NMNAT1: variants seen among roughly 807,000 people sequenced by gnomAD.
The protein encoded by NMNAT1 is nicotinamide/nicotinic acid mononucleotide adenylyltransferase 1.
In NMNAT1, 11 loss-of-function variants were observed where a neutral mutation model predicts 16.7. The ratio of observed to expected loss-of-function variants is 0.66; its 90% CI spans 0.41 to 1.09. The LOEUF (loss-of-function observed/expected upper bound fraction) is 1.09, where lower values mean the gene tolerates loss of function less well. Among genes scored for constraint, NMNAT1 ranks in the 50% least tolerant of loss-of-function variants. NMNAT1 has a pLI of 0.00. For synonymous variants in NMNAT1, 110 were observed against 119.8 expected (o/e 0.92, Z 0.53); for missense variants, 280 against 332.3 (o/e 0.84, Z 1.22).
intron 1 of NMNAT1, chr1:9,949,782 ATTGACCTTGTT>A (rs2101638783): frequency 6.6e-6 from 1 of 152,180 alleles, no homozygotes; most frequent in African/African-American, 2.4e-5. Flanking sequence ...GAAGCAATAA[ATTGACCTTGTT>A]TAAATACACA....
chr1:9,993,171 A>G, the NMNAT1 span, among the ~76,000 whole-genome samples: 1 of 151,816 alleles, frequency 6.6e-6, no homozygotes, highest in Non-Finnish European at 1.5e-5. Context: ...AGAGAGTGCA[A>G]ATTTCCTTTT....
At chr1:9,986,465 C>G (rs1642046303), downstream of NMNAT1, among the ~76,000 whole-genome samples, 1 of 152,142 alleles carries the variant, frequency 6.6e-6, no homozygotes. Flanking sequence ...GGCTTGGTGG[C>G]TCACATCTGT....
Position 9,982,555 on chromosome 1 carries a change from AG to A in NMNAT1, c.698del (p.Gly233AlafsTer53). 6.2e-7 allele frequency: 1 copy of A among 1,614,208 alleles called. No individual in the cohort carries two copies. Among genetic ancestry groups the A allele is most frequent in the Non-Finnish European group, 8.5e-7 (1 of 1,180,046 alleles). On this transcript the variant is annotated frameshift_variant, in exon 5 of 5. Transcript: ENST00000377205. LOFTEE classifies it low-confidence loss of function (END_TRUNC). The stretch of plus-strand genomic sequence containing the variant: ...CACAAAAATCCGGAGAGCCCTCAGA[AG>A]GGGCCAGAGCATTCGCTACTTGGTA... ...SSTKIRRALR[R>X]GQSIRYLVPD...
chr1:9,964,797 A>G (rs1290712878), intron 1 of NMNAT1, among the ~76,000 whole-genome samples: 1 of 150,740 alleles, frequency 6.6e-6, no homozygotes, highest in Non-Finnish European at 1.5e-5. Flanking sequence ...AAAATACAAA[A>G]AATTGGCCAG....
At chr1:9,982,262 GA>G in intron 4 of NMNAT1, 38 bp from the exon 5 acceptor site, 2 of 1,556,894 alleles carry the variant, frequency 1.3e-6, no homozygotes, top group South Asian at 1.2e-5. Flanking sequence ...TAGAGGGGAA[GA>G]AAAAGCATAC....
At chr1:9,987,640 A>T (rs1557478895), downstream of NMNAT1, among the ~76,000 whole-genome samples, 1 of 151,964 alleles carries the variant, frequency 6.6e-6, no homozygotes, top group African/African-American at 2.4e-5. Context: ...ACTCCGTCTC[A>T]AAATAAATAA....
At chr1:9,968,618 A>G (rs1258855182) in intron 1 of NMNAT1, among the ~76,000 whole-genome samples, 1 of 49,572 alleles carries the variant, frequency 2.0e-5, no homozygotes, top group Non-Finnish European at 6.3e-5. Flanking sequence ...AATACAAAAA[A>G]TAATTAGCCA....
chr1:9,953,534 G>A (rs1438063982), intron 1 of NMNAT1, among the ~76,000 whole-genome samples: 5 of 149,204 alleles, frequency 3.4e-5, no homozygotes, highest in South Asian at 2.1e-4. Context: ...TCTGCCTCCC[G>A]GGTTCAAGTG....
chr1:9,982,726 A>T lies in NMNAT1; in HGVS notation c.*25A>T. 3 of 1,559,106 alleles carry T rather than the reference A, an allele frequency of 1.9e-6. No homozygotes were observed. Among genetic ancestry groups the T allele is most frequent in the Non-Finnish European group, 2.6e-6 (3 of 1,152,992 alleles). On this transcript the variant is annotated 3_prime_UTR_variant, in exon 5 of 5. Coordinates refer to ENST00000377205, the MANE Select transcript of NMNAT1 (RefSeq NM_022787.4). ...GGAATTCTACAGCATGATATTTCAGACTTCCCATTTGGGGATCTGAAACAA... is the reference window on the plus strand; with the variant it reads ...GGAATTCTACAGCATGATATTTCAGTCTTCCCATTTGGGGATCTGAAACAA...
At chr1:9,959,298 G>T (rs1260866244) in intron 1 of NMNAT1, among the ~76,000 whole-genome samples, 2 of 149,742 alleles carry the variant, frequency 1.3e-5, no homozygotes, top group Non-Finnish European at 3.0e-5. Context: ...CTTGAACCCG[G>T]GAGGCAGAGG....
At chr1:9,956,704 T>C (rs1001312345) in intron 1 of NMNAT1, among the ~76,000 whole-genome samples, 12 of 151,280 alleles carry the variant, frequency 7.9e-5, no homozygotes, top group Admixed American at 6.6e-4. Context: ...ATTACAGGCA[T>C]GAGCCACTGA....
chr1:9,963,282 AT>A (rs1180609667), intron 1 of NMNAT1, among the ~76,000 whole-genome samples: 1 of 152,128 alleles, frequency 6.6e-6, no homozygotes, highest in Admixed American at 6.6e-5. Flanking sequence ...CCTAGCAGTT[AT>A]GTCTGACTAC....
rs558993895 is a variant in NMNAT1, at chr1:9,980,951, C to T, written c.300-80C>T. ...GATTACAGGTGTGAGCCACTGTGCC[C>T]AGCTATAAATAATGTTAATGATATA... On this transcript the variant is annotated intron_variant, in intron 3 of 4. Coordinates refer to ENST00000377205, the MANE Select transcript of NMNAT1 (RefSeq NM_022787.4). 13 of 1,463,492 alleles carry T rather than the reference C, an allele frequency of 8.9e-6. No individual in the cohort carries two copies. In the African/African-American group the frequency reaches 1.9e-4, roughly 21 times the overall value. The allele number at this position is 1,463,492 out of a possible 1,614,324, so 90.7% of individuals were successfully genotyped here.
At chr1:9,952,007 G>A (rs986957706) in intron 1 of NMNAT1, among the ~76,000 whole-genome samples, 3 of 152,162 alleles carry the variant, frequency 2.0e-5, no homozygotes, top group South Asian at 2.1e-4. Flanking sequence ...ATTAAGATAA[G>A]CCTTTAGAAA....
At chr1:9,974,090 G>A (rs1383892635) in intron 2 of NMNAT1, among the ~76,000 whole-genome samples, 3 of 152,032 alleles carry the variant, frequency 2.0e-5, no homozygotes, top group South Asian at 2.1e-4. Flanking sequence ...CTCCCACGTC[G>A]GCCTCCCAAA....
rs894971570 is a variant in NMNAT1, at chr1:9,982,845, C to T, written c.*144C>T. On this transcript the variant is annotated 3_prime_UTR_variant, in exon 5 of 5. Coordinates refer to ENST00000377205, the MANE Select transcript of NMNAT1 (RefSeq NM_022787.4). The stretch of plus-strand genomic sequence containing the variant: ...AAAATCGTCTGGGCACAGTGGCTCA[C>T]GCCTGTAATCCCAGCACTTTGGGAG... 203 of 808,584 alleles carry T rather than the reference C, an allele frequency of 2.5e-4. 1 individual carries two copies. The highest frequency in any genetic ancestry group is 5.7e-5 in the East Asian group (2 of 35,268). The allele number at this position is 808,584 out of a possible 1,614,324, so 50.1% of individuals were successfully genotyped here.
At chr1:9,965,186 G>A (rs1479623724) in intron 1 of NMNAT1, among the ~76,000 whole-genome samples, 7 of 149,970 alleles carry the variant, frequency 4.7e-5, no homozygotes, top group South Asian at 2.1e-4. Context: ...GTGTGGTGGC[G>A]TGGGCCTGTA....
intron 1 of NMNAT1, among the ~76,000 whole-genome samples, chr1:9,962,414 G>A (rs562327851): frequency 5.3e-5 from 8 of 150,540 alleles, no homozygotes; most frequent in Non-Finnish European, 8.9e-5. Flanking sequence ...CCCGGGAGGC[G>A]GAGCTTGCAG....
intron 1 of NMNAT1, chr1:9,951,271 G>A (rs1641104148): frequency 6.6e-6 from 1 of 152,182 alleles, no homozygotes; most frequent in African/African-American, 2.4e-5. Flanking sequence ...GCACAGACAA[G>A]TAGTAAAGTT....
Sources: allele counts gnomAD v4.1 joint callset (sites outside exome capture counted in the v4.1 genomes callset), GRCh38; gene constraint gnomAD v4.1.1; transcripts MANE v1.5; gene names NCBI Gene and HGNC (gene_info 2026-07-23, HGNC 2026-07-21).